CIMAP2: variants seen among roughly 807,000 people sequenced by gnomAD.
CIMAP2 encodes ciliary microtubule-associated protein 2.
chr1:54,814,798 A>T, the CIMAP2 span: 1 of 1,463,996 alleles, frequency 6.8e-7, no homozygotes, highest in Non-Finnish European at 9.3e-7. Flanking sequence ...TCCTTGGCTC[A>T]AGACCCAGGG....
At chr1:54,841,572 T>C in the CIMAP2 span, 1 of 1,613,382 alleles carries the variant, frequency 6.2e-7, no homozygotes, top group Non-Finnish European at 8.5e-7. Flanking sequence ...TTGGGTGCTT[T>C]AATGAGCTGA....
chr1:54,810,407 G>A, the CIMAP2 span, among the ~76,000 whole-genome samples: 1 of 152,198 alleles, frequency 6.6e-6, no homozygotes, highest in Non-Finnish European at 1.5e-5. Context: ...GTTAAGGCTG[G>A]TGAAGCACCT....
the CIMAP2 span, among the ~76,000 whole-genome samples, chr1:54,808,704 G>A: frequency 1.3e-5 from 2 of 151,900 alleles, no homozygotes; most frequent in South Asian, 2.1e-4. Flanking sequence ...GGGAGGAGGC[G>A]ATGGTGCTGA....
the CIMAP2 span, among the ~76,000 whole-genome samples, chr1:54,840,459 T>G: frequency 6.6e-6 from 1 of 152,250 alleles, no homozygotes; most frequent in Non-Finnish European, 1.5e-5. Context: ...AATACAGGTC[T>G]TCATGTAGAC....
the CIMAP2 span, among the ~76,000 whole-genome samples, chr1:54,820,596 AC>A: frequency 6.6e-6 from 1 of 152,088 alleles, no homozygotes; most frequent in Non-Finnish European, 1.5e-5. Context: ...AGCATTTGTT[AC>A]TTCTTGTCTT....
At chr1:54,806,095 G>A in the CIMAP2 span, 2 of 1,505,418 alleles carry the variant, frequency 1.3e-6, no homozygotes, top group South Asian at 2.5e-5. Flanking sequence ...AGCAGCGGAG[G>A]CGGGCAGCGC....
chr1:54,819,831 T>C, the CIMAP2 span, among the ~76,000 whole-genome samples: 2 of 131,152 alleles, frequency 1.5e-5, no homozygotes, highest in Non-Finnish European at 3.1e-5. Context: ...TTTCTCTTTC[T>C]TTCTTTCTCT....
At chr1:54,824,414 T>G in the CIMAP2 span, among the ~76,000 whole-genome samples, 1 of 152,186 alleles carries the variant, frequency 6.6e-6, no homozygotes, top group Non-Finnish European at 1.5e-5. Context: ...GTGAGCTTCC[T>G]GTATCTAGGT....
At chr1:54,834,748 AT>A in the CIMAP2 span, among the ~76,000 whole-genome samples, 1 of 152,366 alleles carries the variant, frequency 6.6e-6, no homozygotes, top group South Asian at 2.1e-4. Flanking sequence ...ATTTTAAATA[AT>A]TTTGTGCATT....
the CIMAP2 span, among the ~76,000 whole-genome samples, chr1:54,820,165 CCTT>C: frequency 7.2e-6 from 1 of 138,974 alleles, no homozygotes; most frequent in Non-Finnish European, 1.5e-5. Flanking sequence ...TTCCTTCCTT[CCTT>C]CTTTTCTTTT....
the CIMAP2 span, among the ~76,000 whole-genome samples, chr1:54,834,316 A>G: frequency 6.6e-6 from 1 of 152,180 alleles, no homozygotes; most frequent in Non-Finnish European, 1.5e-5. Flanking sequence ...CATAGAAGGA[A>G]CTCAGTGAAT....
At chr1:54,811,765 G>GCGGGGCGGGGGCGGGCGCCCCCCC in the CIMAP2 span, 1 of 1,301,332 alleles carries the variant, frequency 7.7e-7, no homozygotes, top group Non-Finnish European at 1.1e-6. Flanking sequence ...GGTTCTGACA[G>GCGGGGCGGGGGCGGGCGCCCCCCC]CCTCCATGCC....
the CIMAP2 span, among the ~76,000 whole-genome samples, chr1:54,825,436 G>A: frequency 1.3e-5 from 2 of 152,134 alleles, no homozygotes; most frequent in African/African-American, 4.8e-5. Context: ...CAGTAATGTA[G>A]TTTCTGTATG....
chr1:54,808,612 C>CGGTGGGG, the CIMAP2 span, among the ~76,000 whole-genome samples: 1 of 67,344 alleles, frequency 1.5e-5, no homozygotes, highest in Non-Finnish European at 3.6e-5. Context: ...CAGGTGCTGC[C>CGGTGGGG]GGGGGAGGGC....
chr1:54,815,533 C>A, the CIMAP2 span, among the ~76,000 whole-genome samples: 1 of 152,132 alleles, frequency 6.6e-6, no homozygotes, highest in African/African-American at 2.4e-5. Context: ...GAGCAAGACC[C>A]CCTTCTGGCC....
the CIMAP2 span, chr1:54,806,094 G>T: frequency 1.3e-6 from 2 of 1,505,220 alleles, no homozygotes; most frequent in Non-Finnish European, 8.9e-7. Context: ...CAGCAGCGGA[G>T]GCGGGCAGCG....
the CIMAP2 span, among the ~76,000 whole-genome samples, chr1:54,824,624 C>G: frequency 1.3e-5 from 2 of 151,784 alleles, no homozygotes; most frequent in African/African-American, 4.8e-5. Context: ...TGCCTGTCTT[C>G]AAGTTCATAA....
At chr1:54,812,097 T>C in the CIMAP2 span, 2 of 1,613,994 alleles carry the variant, frequency 1.2e-6, no homozygotes, top group Non-Finnish European at 1.7e-6. Flanking sequence ...CCTTGAGACA[T>C]ATGTGGCACG....
At chr1:54,840,637 C>T in the CIMAP2 span, among the ~76,000 whole-genome samples, 1 of 152,176 alleles carries the variant, frequency 6.6e-6, no homozygotes, top group Non-Finnish European at 1.5e-5. Context: ...GCATCCTTGT[C>T]AGCACTTGGT....
Sources: allele counts gnomAD v4.1 joint callset (sites outside exome capture counted in the v4.1 genomes callset), GRCh38; gene constraint gnomAD v4.1.1; transcripts MANE v1.5; gene names NCBI Gene and HGNC (gene_info 2026-07-23, HGNC 2026-07-21).